Variants in DPP10 observed in about 807,000 individuals in gnomAD.
The protein encoded by DPP10 is dipeptidyl peptidase like 10.
A neutral mutation model predicts 120.9 loss-of-function variants in DPP10; 33 were observed. That is an observed-to-expected ratio of 0.27 (90% CI 0.21 to 0.37). The LOEUF (loss-of-function observed/expected upper bound fraction) is 0.37, where lower values mean the gene tolerates loss of function less well. Ranked by LOEUF, DPP10 falls within the 10% of genes least tolerant of loss-of-function variation. DPP10 has a pLI of 1.00. For synonymous variants in DPP10, 337 were observed against 326.1 expected, an observed-to-expected ratio of 1.03 and a Z score of -0.36; for missense variants, 816 against 942.8, an observed-to-expected ratio of 0.87 and a Z score of 1.76.
At chr2:115,064,545 A>T in intron 1 of DPP10, 3 of 726,568 alleles carry the variant, frequency 4.1e-6, no homozygotes, top group Non-Finnish European at 5.7e-6. Flanking sequence ...ATAGGGGGTT[A>T]ATTCTGCCCC....
chr2:114,808,665 C>T (rs1352630401), intron 1 of DPP10, among the ~76,000 whole-genome samples: 1 of 151,590 alleles, frequency 6.6e-6, no homozygotes, highest in Non-Finnish European at 1.5e-5. Flanking sequence ...TCTCTGTGGA[C>T]TTATCTTCAC....
At chr2:115,579,362 C>A (rs1249049526) in intron 5 of DPP10, 1 of 152,182 alleles carries the variant, frequency 6.6e-6, no homozygotes, top group Non-Finnish European at 1.5e-5. Flanking sequence ...AAACCTACTT[C>A]GTGCCAAGGA....
chr2:115,272,485 A>G (rs2059739286), intron 1 of DPP10, among the ~76,000 whole-genome samples: 1 of 152,236 alleles, frequency 6.6e-6, no homozygotes, highest in Admixed American at 6.5e-5. Context: ...AGCCACCAAA[A>G]AGGAAAAGAA....
chr2:114,958,276 C>T (rs776684387), intron 1 of DPP10, among the ~76,000 whole-genome samples: 27 of 152,256 alleles, frequency 1.8e-4, no homozygotes, highest in Non-Finnish European at 2.8e-4. Flanking sequence ...TTGGCCAAGA[C>T]GCAGTATTGT....
intron 1 of DPP10, among the ~76,000 whole-genome samples, chr2:114,581,520 G>A (rs986875307): frequency 6.6e-6 from 1 of 152,080 alleles, no homozygotes; most frequent in African/African-American, 2.4e-5. Flanking sequence ...CATGCAGATA[G>A]GTTCTGTCCA....
chr2:115,393,152 A>G (rs979400008), intron 3 of DPP10, among the ~76,000 whole-genome samples: 1 of 152,068 alleles, frequency 6.6e-6, no homozygotes, highest in Admixed American at 6.6e-5. Context: ...ATCTCTACTA[A>G]GATTACAAAA....
chr2:114,742,957 A>G (rs927291238), intron 1 of DPP10, among the ~76,000 whole-genome samples: 3 of 152,246 alleles, frequency 2.0e-5, no homozygotes, highest in African/African-American at 7.2e-5. Context: ...ATTTTTTGAC[A>G]AATGCATTGA....
chr2:114,505,045 C>G (rs190450251), intron 1 of DPP10, among the ~76,000 whole-genome samples: 84 of 87,588 alleles, frequency 9.6e-4, no homozygotes, highest in African/African-American at 4.0e-3. Context: ...GAGTGAGACT[C>G]TGTCTCAAAA....
At chr2:114,905,909 G>T (rs1693923095) in intron 1 of DPP10, among the ~76,000 whole-genome samples, 1 of 152,076 alleles carries the variant, frequency 6.6e-6, no homozygotes, top group Non-Finnish European at 1.5e-5. Flanking sequence ...ACATTGTTGA[G>T]CTTTTTTATT....
chr2:115,637,664 A>C (rs928057049), intron 5 of DPP10, among the ~76,000 whole-genome samples: 2 of 152,212 alleles, frequency 1.3e-5, no homozygotes, highest in African/African-American at 4.8e-5. Flanking sequence ...CTCTTATTGA[A>C]TTTATGAGTG....
chr2:114,643,806 C>A (rs1695893299), intron 1 of DPP10, among the ~76,000 whole-genome samples: 1 of 151,418 alleles, frequency 6.6e-6, no homozygotes, highest in South Asian at 2.1e-4. Context: ...CTTTTCACCA[C>A]CTTGGTTTGG....
intron 3 of DPP10, among the ~76,000 whole-genome samples, chr2:115,462,793 G>A (rs896422094): frequency 9.9e-5 from 15 of 152,022 alleles, no homozygotes; most frequent in Non-Finnish European, 1.5e-4. Flanking sequence ...GCAGTGGCAC[G>A]ATCTCAGCTC....
intron 21 of DPP10, among the ~76,000 whole-genome samples, chr2:115,829,247 T>C (rs941568865): frequency 1.3e-5 from 2 of 152,158 alleles, no homozygotes; most frequent in African/African-American, 4.8e-5. Context: ...AATTTACTTA[T>C]ATAGTTTCAA....
chr2:115,719,184 A>G (rs2092581368), intron 7 of DPP10, among the ~76,000 whole-genome samples: 1 of 152,190 alleles, frequency 6.6e-6, no homozygotes, highest in South Asian at 2.1e-4. Context: ...TTTATCTGGT[A>G]TCCATTTATC....
At chr2:115,321,839 G>A (rs765458743) in intron 2 of DPP10, among the ~76,000 whole-genome samples, 1 of 151,970 alleles carries the variant, frequency 6.6e-6, no homozygotes, top group Non-Finnish European at 1.5e-5. Context: ...TTGTATGTAA[G>A]TTCTTAGACT....
chr2:115,475,003 T>G (rs1325665574), intron 3 of DPP10, among the ~76,000 whole-genome samples: 2 of 150,520 alleles, frequency 1.3e-5, no homozygotes, highest in African/African-American at 4.9e-5. Flanking sequence ...GCCAGAAAAT[T>G]TGCAGCCTAG....
At chr2:115,172,840 A>G (rs188685110) in intron 1 of DPP10, among the ~76,000 whole-genome samples, 1 of 152,336 alleles carries the variant, frequency 6.6e-6, no homozygotes, top group African/African-American at 2.4e-5. Context: ...CAGAAGTTGG[A>G]AACACAGCTT....
chr2:115,198,096 G>T (rs2055419130), intron 1 of DPP10, among the ~76,000 whole-genome samples: 1 of 152,044 alleles, frequency 6.6e-6, no homozygotes. Context: ...TCACAACTTA[G>T]TAATCATATT....
intron 5 of DPP10, among the ~76,000 whole-genome samples, chr2:115,648,454 C>T (rs2087466338): frequency 1.3e-5 from 2 of 151,718 alleles, no homozygotes; most frequent in Non-Finnish European, 2.9e-5. Context: ...TGATATAATG[C>T]ATATATTAAT....
Sources: allele counts gnomAD v4.1 joint callset (sites outside exome capture counted in the v4.1 genomes callset), GRCh38; gene constraint gnomAD v4.1.1; transcripts MANE v1.5; gene names NCBI Gene and HGNC (gene_info 2026-07-23, HGNC 2026-07-21).